Variants in AGBL1 observed in about 807,000 individuals in gnomAD.
AGBL1 encodes the protein cytosolic carboxypeptidase 4.
AGBL1 carries 130 observed loss-of-function variants against 118.9 expected under a neutral mutation model. The observed-to-expected ratio is 1.09, with a 90% CI of 0.95 to 1.26. AGBL1 has a LOEUF of 1.26. Among genes scored for constraint, AGBL1 ranks in the 50% most tolerant of loss-of-function variants. The pLI, the probability that AGBL1 is intolerant of heterozygous loss-of-function variation, is 0.00. For synonymous variants in AGBL1, 555 were observed against 478.9 expected, an observed-to-expected ratio of 1.16 and a Z score of -2.08; for missense variants, 1,584 against 1,298.1, an observed-to-expected ratio of 1.22 and a Z score of -3.38.
chr15:86,482,395 C>T (rs7166807), intron 18 of AGBL1, among the ~76,000 whole-genome samples: 25,283 of 152,146 alleles, frequency 0.17, 2,596 homozygotes, highest in African/African-American at 0.28. Context: ...AGGAGTGTAG[C>T]TGCAGATGCC....
chr15:86,838,113 A>G (rs1343699508), intron 22 of AGBL1, among the ~76,000 whole-genome samples: 2 of 151,896 alleles, frequency 1.3e-5, no homozygotes, highest in South Asian at 4.1e-4. Context: ...CCACAAGAAG[A>G]TTTTTACCTT....
intron 18 of AGBL1, among the ~76,000 whole-genome samples, chr15:86,405,522 C>G (rs1301589094): frequency 2.0e-5 from 3 of 150,710 alleles, no homozygotes; most frequent in African/African-American, 7.3e-5. Flanking sequence ...AACAAAAAAG[C>G]AAAAAAACAA....
In AGBL1 at chr15:86,658,726, T is replaced by TG. The variant is rs146509692; in HGVS notation, c.2995-15545dup. On this transcript the variant is annotated intron_variant, in intron 21 of 22. Coordinates refer to ENST00000614907, the MANE Select transcript of AGBL1 (RefSeq NM_001386094.1). ...AAAGCCATAGCCAGAGTTCCTAGGC[T>TG]GGTGGGTGTTTCTGATATTTGGCCC... Among the ~76,000 whole-genome samples, 258 of 152,274 alleles carry TG rather than the reference T, an allele frequency of 1.7e-3. 4 individuals carry two copies. In the East Asian group the frequency reaches 0.021, roughly 12 times the overall value.
At chr15:86,931,829 A>G (rs2080610052) in intron 23 of AGBL1, among the ~76,000 whole-genome samples, 1 of 152,202 alleles carries the variant, frequency 6.6e-6, no homozygotes, top group Admixed American at 6.5e-5. Context: ...TAAATATATA[A>G]GCAAAATGAA....
chr15:86,642,880 C>A (rs550258465), intron 21 of AGBL1, among the ~76,000 whole-genome samples: 1 of 152,166 alleles, frequency 6.6e-6, no homozygotes, highest in Admixed American at 6.5e-5. Context: ...TTTAATATTA[C>A]ACATACTAGA....
At chr15:86,807,264 C>T (rs2078729307) in intron 22 of AGBL1, among the ~76,000 whole-genome samples, 1 of 152,132 alleles carries the variant, frequency 6.6e-6, no homozygotes, top group Non-Finnish European at 1.5e-5. Context: ...AATTGGGGCT[C>T]TTACCTGGTC....
chr15:86,586,920 A>C (rs1156809633), intron 21 of AGBL1, among the ~76,000 whole-genome samples: 1 of 152,098 alleles, frequency 6.6e-6, no homozygotes, highest in African/African-American at 2.4e-5. Flanking sequence ...GTAGGCCACA[A>C]TATACTGGGT....
At chr15:86,743,689 G>A (rs926867414) in intron 22 of AGBL1, among the ~76,000 whole-genome samples, 4 of 152,144 alleles carry the variant, frequency 2.6e-5, no homozygotes, top group Non-Finnish European at 2.9e-5. Flanking sequence ...GTATTCTAAA[G>A]AAGACCCCAA....
chr15:86,643,386 C>G (rs746422294), intron 21 of AGBL1, among the ~76,000 whole-genome samples: 4 of 152,098 alleles, frequency 2.6e-5, no homozygotes, highest in Non-Finnish European at 5.9e-5. Flanking sequence ...ATTCTACTTG[C>G]AATTCTCCTA....
At chr15:87,001,438 A>T (rs2081436455) in intron 24 of AGBL1, among the ~76,000 whole-genome samples, 1 of 152,016 alleles carries the variant, frequency 6.6e-6, no homozygotes, top group South Asian at 2.1e-4. Flanking sequence ...GCCACAATAA[A>T]TATGTGTGCA....
intron 22 of AGBL1, among the ~76,000 whole-genome samples, chr15:86,769,170 T>TGAGACAGAGA (rs575325798): frequency 0.11 from 6,746 of 60,980 alleles, 489 homozygotes; most frequent in African/African-American, 0.25. Flanking sequence ...CTTCTCATTT[T>TGAGACAGAGA]GAGAGGGAGA....
intron 1 of AGBL1, among the ~76,000 whole-genome samples, chr15:86,139,081 G>A (rs2076927095): frequency 1.3e-5 from 2 of 152,336 alleles, no homozygotes; most frequent in South Asian, 2.1e-4. Flanking sequence ...GGAGGATGGT[G>A]TGGACTTGGA....
chr15:86,557,540 C>G (rs1409828914), intron 21 of AGBL1, among the ~76,000 whole-genome samples: 1 of 152,170 alleles, frequency 6.6e-6, no homozygotes, highest in Non-Finnish European at 1.5e-5. Context: ...AGTGACTCAA[C>G]TTGTGTTTAA....
In AGBL1 at chr15:86,789,115, C is replaced by T. The variant is rs538690266; in HGVS notation, c.3158+114679C>T. ...TTTGCATCTAAATCCATTACTGTGT[C>T]TAATTACAGAGTCAGAAATAAGGTC... On this transcript the variant is annotated intron_variant, in intron 22 of 22. Coordinates refer to ENST00000614907, the MANE Select transcript of AGBL1 (RefSeq NM_001386094.1). 1.7e-4 allele frequency among the ~76,000 whole-genome samples: 26 copies of T among 152,314 alleles called. No homozygotes were observed. The South Asian group carries it at 5.4e-3, about 32-fold the overall frequency.
intron 22 of AGBL1, among the ~76,000 whole-genome samples, chr15:86,822,732 A>G (rs867698767): frequency 2.0e-5 from 3 of 152,174 alleles, no homozygotes; most frequent in Non-Finnish European, 2.9e-5. Context: ...AACAGAAGCC[A>G]TGTCTGTGTC....
At chr15:86,089,704 T>C (rs1344916065) in intron 1 of AGBL1, among the ~76,000 whole-genome samples, 1 of 152,136 alleles carries the variant, frequency 6.6e-6, no homozygotes, top group Non-Finnish European at 1.5e-5. Flanking sequence ...CAATCGGTGC[T>C]AGCTCAATGC....
intron 16 of AGBL1, among the ~76,000 whole-genome samples, chr15:86,285,191 T>C (rs145289201): frequency 6.6e-6 from 1 of 152,286 alleles, no homozygotes; most frequent in Non-Finnish European, 1.5e-5. Context: ...TCTAGCAATC[T>C]TTTATATGAC....
intron 7 of AGBL1, among the ~76,000 whole-genome samples, chr15:86,255,304 A>T (rs1046801547): frequency 9.2e-5 from 14 of 152,224 alleles, no homozygotes; most frequent in African/African-American, 2.9e-4. Context: ...CCAAAGGGTG[A>T]AATAGCTTCA....
intron 18 of AGBL1, among the ~76,000 whole-genome samples, chr15:86,398,563 A>G: frequency 6.6e-6 from 1 of 152,170 alleles, no homozygotes; most frequent in Non-Finnish European, 1.5e-5. Flanking sequence ...AGCAATATTA[A>G]AATTGTTAAA....
Sources: allele counts gnomAD v4.1 joint callset (sites outside exome capture counted in the v4.1 genomes callset), GRCh38; gene constraint gnomAD v4.1.1; transcripts MANE v1.5; gene names NCBI Gene and HGNC (gene_info 2026-07-23, HGNC 2026-07-21).